Variants in ARHGEF9 observed in about 807,000 individuals in gnomAD.
ARHGEF9 encodes rho guanine nucleotide exchange factor 9.
ARHGEF9 carries 2 observed loss-of-function variants against 41.3 expected under a neutral mutation model. The ratio of observed to expected loss-of-function variants is 0.05; its 90% CI spans 0.02 to 0.15. The LOEUF (loss-of-function observed/expected upper bound fraction) is 0.15, where lower values mean the gene tolerates loss of function less well. Among genes scored for constraint, ARHGEF9 ranks in the 10% least tolerant of loss-of-function variants. The pLI, the probability that ARHGEF9 is intolerant of heterozygous loss-of-function variation, is 1.00. For synonymous variants in ARHGEF9, 160 were observed against 154.4 expected (o/e 1.04, Z -0.27); for missense variants, 225 against 424.7 (o/e 0.53, Z 4.13).
chrX:63,687,261 C>T (rs1466087060), intron 4 of ARHGEF9, among the ~76,000 whole-genome samples: 9 of 111,608 alleles, frequency 8.1e-5, no homozygotes, highest in Admixed American at 3.8e-4. Context: ...GGATGAGTAG[C>T]ACTCTGAAAT....
intron 9 of ARHGEF9, among the ~76,000 whole-genome samples, chrX:63,643,535 C>T (rs1423777561): frequency 9.1e-6 from 1 of 109,769 alleles, no homozygotes; most frequent in Non-Finnish European, 1.9e-5. Context: ...TTAGTAGAGG[C>T]GGGGTTTCAC....
chrX:63,704,015 A>C (rs1192393423), intron 3 of ARHGEF9, among the ~76,000 whole-genome samples: 1 of 111,508 alleles, frequency 9.0e-6, no homozygotes, highest in Non-Finnish European at 1.9e-5. Context: ...AGCAGAAAGG[A>C]GCAGGAGGTG....
chrX:63,777,041 T>C (rs2056305324), intron 1 of ARHGEF9, among the ~76,000 whole-genome samples: 1 of 111,394 alleles, frequency 9.0e-6, no homozygotes, highest in East Asian at 2.8e-4. Flanking sequence ...GCACCCCCTA[T>C]CTCCAGGAAG....
At chrX:63,740,093 C>G (rs782582003) in intron 1 of ARHGEF9, among the ~76,000 whole-genome samples, 1 of 112,140 alleles carries the variant, frequency 8.9e-6, no homozygotes, top group Admixed American at 9.4e-5. Context: ...GTACAGGTGA[C>G]CTGGTCTTGC....
At chrX:63,780,374 T>G (rs1556461356) in intron 1 of ARHGEF9, among the ~76,000 whole-genome samples, 1 of 111,343 alleles carries the variant, frequency 9.0e-6, no homozygotes, top group Non-Finnish European at 1.9e-5. Flanking sequence ...CATATATGAC[T>G]CTTACACAGG....
intron 3 of ARHGEF9, chrX:63,701,343 G>A (rs781877625): frequency 5.4e-5 from 6 of 110,637 alleles, no homozygotes; most frequent in Non-Finnish European, 5.7e-5. Context: ...TGACATTCTA[G>A]GGGTTTCATA....
chrX:63,704,191 T>C (rs2052379808), intron 3 of ARHGEF9, among the ~76,000 whole-genome samples: 1 of 112,204 alleles, frequency 8.9e-6, no homozygotes, highest in Admixed American at 9.4e-5. Flanking sequence ...AAGCGAAGAA[T>C]AGATTGTACT....
chrX:63,754,180 C>T, intron 1 of ARHGEF9: 4 of 791,607 alleles, frequency 5.1e-6, no homozygotes, highest in Non-Finnish European at 7.7e-6. Flanking sequence ...AATGCACACA[C>T]GCATGCACAC....
At chrX:63,767,096 A>G in intron 1 of ARHGEF9, 1 of 1,002,101 alleles carries the variant, frequency 1.0e-6, no homozygotes, top group South Asian at 1.9e-5. Context: ...AAGTTTAGGC[A>G]TCTCTAGCAG....
intron 1 of ARHGEF9, among the ~76,000 whole-genome samples, chrX:63,766,447 T>C (rs2056114815): frequency 8.9e-6 from 1 of 111,939 alleles, no homozygotes; most frequent in African/African-American, 3.3e-5. Context: ...CCAAAAGAAA[T>C]GTTTGCTACC....
intron 9 of ARHGEF9, chrX:63,640,105 C>G (rs1226706325): frequency 8.9e-6 from 1 of 111,965 alleles, no homozygotes; most frequent in Non-Finnish European, 1.9e-5. Context: ...ATACATAAAA[C>G]AGAAGACTTG....
intron 1 of ARHGEF9, among the ~76,000 whole-genome samples, chrX:63,734,550 G>T (rs1352064092): frequency 8.9e-6 from 1 of 111,900 alleles, no homozygotes; most frequent in Non-Finnish European, 1.9e-5. Context: ...TCTGGGACCA[G>T]AGAGTTTATA....
rs1275802561 is a variant in ARHGEF9 at position 63,755,211 on chromosome X, C to T, written c.30+29905G>A. 3.2e-6 allele frequency: 3 copies of T among 937,301 alleles called. No individual in the cohort carries two copies. In the Admixed American group the frequency reaches 1.7e-4, roughly 55 times the overall value. The allele number at this position is 937,301 out of a possible 1,213,427, so 77.2% of individuals were successfully genotyped here. A position where few individuals can be genotyped will look rare whatever the true frequency, so the allele number is the denominator to read the frequency against. ...GCGGCCAGAGCCACTGACATACCCG[C>T]CGACCAATAACAGATGCCGCAGTAG... is the stretch of plus-strand genomic sequence containing the variant. On this transcript the variant is annotated intron_variant, in intron 1 of 9. Transcript: ENST00000671741.
At chrX:63,640,233 T>G (rs1339763942) in intron 9 of ARHGEF9, 3 of 111,979 alleles carry the variant, frequency 2.7e-5, no homozygotes, top group African/African-American at 9.7e-5. Flanking sequence ...CAGTAAAGAT[T>G]TACAATTATT....
chrX:63,766,977 T>C, intron 1 of ARHGEF9: 1 of 591,501 alleles, frequency 1.7e-6, no homozygotes. Flanking sequence ...AGCAGATGAT[T>C]AAAAACTTCA....
intron 4 of ARHGEF9, among the ~76,000 whole-genome samples, chrX:63,691,622 A>T (rs1176788546): frequency 1.8e-5 from 2 of 111,170 alleles, no homozygotes; most frequent in African/African-American, 6.5e-5. Context: ...TATTGCTAAA[A>T]TATACTACCA....
At chrX:63,649,860 GAC>G (rs2048417857) in intron 8 of ARHGEF9, among the ~76,000 whole-genome samples, 1 of 111,512 alleles carries the variant, frequency 9.0e-6, no homozygotes, top group Middle Eastern at 4.2e-3. Context: ...CAAATTCCTC[GAC>G]ACATACACCC....
At chrX:63,696,121 A>G (rs2051732789) in intron 4 of ARHGEF9, among the ~76,000 whole-genome samples, 1 of 111,458 alleles carries the variant, frequency 9.0e-6, no homozygotes, top group Non-Finnish European at 1.9e-5. Context: ...CAATATAACC[A>G]TATTCTGAGT....
At chrX:63,714,247 C>T (rs1481263284) in intron 2 of ARHGEF9, among the ~76,000 whole-genome samples, 1 of 111,802 alleles carries the variant, frequency 8.9e-6, no homozygotes, top group East Asian at 2.8e-4. Context: ...GCCCCCTACT[C>T]CTTCTTCAGG....
Sources: gnomAD v4.1 joint callset for allele counts (sites outside exome capture counted in the v4.1 genomes callset) on GRCh38, gnomAD v4.1.1 for gene constraint, MANE v1.5 for transcripts, NCBI Gene and HGNC (gene_info 2026-07-23, HGNC 2026-07-21) for gene names.